The following EPB41 variants were observed in gnomAD, a reference collection of about 807,000 sequenced individuals.
EPB41 encodes protein 4.1.
EPB41 carries 65 observed loss-of-function variants against 108.0 expected under a neutral mutation model. That is an observed-to-expected ratio of 0.60 (90% CI 0.49 to 0.74). The LOEUF (loss-of-function observed/expected upper bound fraction) is 0.74. Among genes scored for constraint, EPB41 ranks in the 30% least tolerant of loss-of-function variants. The pLI, the probability that EPB41 is intolerant of heterozygous loss-of-function variation, is 0.00. For synonymous variants in EPB41, 336 were observed against 358.9 expected (o/e 0.94, Z 0.72); for missense variants, 875 against 1,037.0 (o/e 0.84, Z 2.15).
At chr1:29,050,122 G>A (rs541205117) in intron 11 of EPB41, among the ~76,000 whole-genome samples, 1 of 152,258 alleles carries the variant, frequency 6.6e-6, no homozygotes, top group East Asian at 1.9e-4. Flanking sequence ...CACGCCTTAG[G>A]CACACTACTA....
intron 16 of EPB41, among the ~76,000 whole-genome samples, chr1:29,076,045 C>G (rs1219117699): frequency 6.6e-6 from 1 of 152,178 alleles, no homozygotes; most frequent in African/African-American, 2.4e-5. Context: ...TTCCCTGTAG[C>G]TTTCACTCAC....
intron 7 of EPB41, among the ~76,000 whole-genome samples, chr1:29,024,246 A>G (rs983058414): frequency 1.3e-5 from 2 of 151,624 alleles, no homozygotes; most frequent in African/African-American, 4.9e-5. Flanking sequence ...GAGGCAGGAG[A>G]ATTGCTTGAA....
rs751918017 is a variant in EPB41, at chr1:28,987,717, G to A, written c.280G>A (p.Val94Met). The change falls in exon 2 of 21, where the codon GTG becomes ATG. Residue 94 changes from valine (V) to methionine (M), a missense_variant. By Grantham distance (21) the Val-to-Met change is conservative. Coordinates refer to ENST00000343067, the MANE Select transcript of EPB41 (RefSeq NM_001376013.1). Reference sequence around the variant, plus strand: ...GTTTCTCAAAAGGCCCAAATCTCAGGTGTCCGAGGAAGAAGGCAAAGAAGT... The same window carrying A: ...GTTTCTCAAAAGGCCCAAATCTCAGATGTCCGAGGAAGAAGGCAAAGAAGT... Reference protein sequence around the residue: ...SSFLKRPKSQVSEEEGKEVES... With the variant: ...SSFLKRPKSQMSEEEGKEVES... 2.5e-6 allele frequency: 4 copies of A among 1,614,214 alleles called. No individual in the cohort carries two copies. Among genetic ancestry groups the A allele is most frequent in the Non-Finnish European group, 3.4e-6 (4 of 1,180,054 alleles).
intron 1 of EPB41, among the ~76,000 whole-genome samples, chr1:28,976,091 C>T (rs1255703944): frequency 6.6e-6 from 1 of 152,084 alleles, no homozygotes; most frequent in Non-Finnish European, 1.5e-5. Flanking sequence ...AGAGAAGCAT[C>T]TCTGAGGTAG....
chr1:29,025,528 G>A (rs1452338138), intron 7 of EPB41, among the ~76,000 whole-genome samples: 3 of 151,898 alleles, frequency 2.0e-5, no homozygotes, highest in African/African-American at 4.8e-5. Context: ...TTGTTATGAC[G>A]CTCAAAGGTC....
At chr1:28,914,275 C>T (rs1373884260), upstream of EPB41, among the ~76,000 whole-genome samples, 2 of 152,250 alleles carry the variant, frequency 1.3e-5, no homozygotes, top group Non-Finnish European at 2.9e-5. Context: ...CTGCGGGATC[C>T]CGGAACACCC....
In EPB41 at chr1:29,039,402, C is replaced by G; in HGVS notation, c.1612C>G (p.Arg538Gly). Reference sequence around the variant, plus strand: ...ACACTTCGAGCGTACAGCAAGTAAACGGGCGTCCCGGAGCCTCGATGGAGG... The same window carrying G: ...ACACTTCGAGCGTACAGCAAGTAAAGGGGCGTCCCGGAGCCTCGATGGAGG... ...APHFERTASK[R>G]ASRSLDGAAA... The change falls in exon 11 of 21, where the codon CGG becomes GGG. Residue 538 changes from arginine to glycine, a missense_variant. By Grantham distance (125) the Arg-to-Gly change is moderately radical. Transcript: ENST00000343067. 6.2e-7 allele frequency: 1 copy of G among 1,614,022 alleles called. No homozygotes were observed. Among genetic ancestry groups the G allele is most frequent in the Non-Finnish European group, 8.5e-7 (1 of 1,180,020 alleles).
At chr1:29,047,126 A>G (rs1199898326) in intron 11 of EPB41, among the ~76,000 whole-genome samples, 1 of 152,124 alleles carries the variant, frequency 6.6e-6, no homozygotes, top group Non-Finnish European at 1.5e-5. Context: ...ATCTGGTCCT[A>G]GAGATCTCAC....
intron 1 of EPB41, among the ~76,000 whole-genome samples, chr1:28,946,019 G>C (rs146976323): frequency 1.3e-3 from 197 of 152,268 alleles, no homozygotes; most frequent in Non-Finnish European, 2.2e-3. Context: ...AAAAAAGTGA[G>C]TTTATGCCTT....
rs182323998 is a variant in EPB41, at chr1:29,093,809, G to A, written c.2185-3998G>A. ...AGTCTCAGCTACTCTGGAGGCTGAC[G>A]CAGGAGAATCGCTTGAACTTAGGAG... On this transcript the variant is annotated intron_variant, in intron 16 of 20. Coordinates refer to ENST00000343067, the MANE Select transcript of EPB41 (RefSeq NM_001376013.1). Among the ~76,000 whole-genome samples the A allele has an allele frequency of 1.1e-4, 16 of 152,296 alleles. No individual in the cohort carries two copies. In the East Asian group the frequency reaches 2.5e-3, roughly 24 times the overall value.
At position 29,090,354 on chromosome 1, in the gene EPB41, G is replaced by T. The variant is rs556521102; in HGVS notation, c.2185-7453G>T. Among the ~76,000 whole-genome samples the T allele has an allele frequency of 3.3e-5, 5 of 152,282 alleles. No individual in the cohort carries two copies. The East Asian group carries it at 9.6e-4, about 29-fold the overall frequency. On this transcript the variant is annotated intron_variant, in intron 16 of 20. Transcript: ENST00000343067. ...AAATGCCTTGATGACATAATCTCTG[G>T]GGGTTAGCGGATAAATGTAAGGAAG...
chr1:28,905,520 A>C (rs930103983), intron 1 of EPB41, among the ~76,000 whole-genome samples: 2 of 151,392 alleles, frequency 1.3e-5, no homozygotes, highest in Non-Finnish European at 2.9e-5. Context: ...ACAAAAAACC[A>C]GAAAGCTTGC....
chr1:28,984,006 C>T (rs371970657), intron 1 of EPB41, among the ~76,000 whole-genome samples: 5 of 124,692 alleles, frequency 4.0e-5, no homozygotes, highest in South Asian at 2.6e-4. Flanking sequence ...TGGCTCTCAG[C>T]GGGAAGGGGA....
chr1:28,939,324 A>G (rs565369766), intron 1 of EPB41, among the ~76,000 whole-genome samples: 2 of 152,284 alleles, frequency 1.3e-5, no homozygotes, highest in East Asian at 1.9e-4. Context: ...TGTTAATCCA[A>G]TCTTGCATCC....
chr1:29,100,614 A>AC (rs1189737021), intron 17 of EPB41, among the ~76,000 whole-genome samples: 2 of 147,320 alleles, frequency 1.4e-5, no homozygotes, highest in South Asian at 2.1e-4. Flanking sequence ...ACAAAGTAAG[A>AC]CCCCCATCTC....
chr1:29,082,197 T>G (rs896638505), intron 16 of EPB41, among the ~76,000 whole-genome samples: 11 of 151,948 alleles, frequency 7.2e-5, no homozygotes, highest in African/African-American at 2.7e-4. Context: ...TGATCTCGGC[T>G]CACTGCAACC....
chr1:29,026,348 A>G (rs916702396), intron 7 of EPB41, among the ~76,000 whole-genome samples: 3 of 152,216 alleles, frequency 2.0e-5, no homozygotes, highest in Non-Finnish European at 2.9e-5. Flanking sequence ...GGAGGCTTCA[A>G]TGTGAACTTG....
chr1:29,061,572 G>GTTGTTTTTTTTTT, intron 15 of EPB41, among the ~76,000 whole-genome samples: 1 of 64,050 alleles, frequency 1.6e-5, no homozygotes, highest in East Asian at 6.0e-4. Flanking sequence ...CCTGGCCTTT[G>GTTGTTTTTTTTTT]TTTTTTTTTT....
intron 1 of EPB41, among the ~76,000 whole-genome samples, chr1:28,956,244 C>A (rs536793630): frequency 1.8e-4 from 27 of 152,262 alleles, no homozygotes; most frequent in Admixed American, 1.5e-3. Flanking sequence ...GTAGGCTGTT[C>A]TTTATTAGAA....
Sources: gnomAD v4.1 joint callset for allele counts (sites outside exome capture counted in the v4.1 genomes callset) on GRCh38, gnomAD v4.1.1 for gene constraint, MANE v1.5 for transcripts, NCBI Gene and HGNC (gene_info 2026-07-23, HGNC 2026-07-21) for gene names.